SCN8A: variants seen among roughly 807,000 people sequenced by gnomAD.
SCN8A encodes the protein sodium voltage-gated channel alpha subunit 8.
SCN8A carries 30 observed loss-of-function variants against 184.1 expected under a neutral mutation model. The observed-to-expected ratio is 0.16, with a 90% CI of 0.12 to 0.22. The LOEUF (loss-of-function observed/expected upper bound fraction) is 0.22, where lower values mean the gene tolerates loss of function less well. Ranked by LOEUF, SCN8A falls within the 10% of genes least tolerant of loss-of-function variation. The pLI is 1.00. For synonymous variants in SCN8A, 852 were observed against 907.0 expected, an observed-to-expected ratio of 0.94 and a Z score of 1.09; for missense variants, 1,057 against 2,498.9, an observed-to-expected ratio of 0.42 and a Z score of 12.30.
intron 23 of SCN8A, 101 bp downstream of exon 23, chr12:51,788,849 G>A: frequency 1.1e-6 from 1 of 898,506 alleles, no homozygotes; most frequent in Non-Finnish European, 1.7e-6. Context: ...ATGAAGGAAT[G>A]GAGGAGTTGA....
intron 11 of SCN8A, chr12:51,713,733 G>T (rs1172259595): frequency 5.8e-6 from 2 of 341,996 alleles, no homozygotes; most frequent in Non-Finnish European, 1.0e-5. Context: ...TATTTTAATT[G>T]CTCTATTGCA....
At chr12:51,746,222 T>C (rs947189694) in intron 13 of SCN8A, among the ~76,000 whole-genome samples, 187 bp downstream of exon 13, 4 of 152,104 alleles carry the variant, frequency 2.6e-5, no homozygotes, top group Non-Finnish European at 5.9e-5. Flanking sequence ...GAGAATCAAA[T>C]ATATGGGCTT....
intron 1 of SCN8A, among the ~76,000 whole-genome samples, chr12:51,636,376 C>T (rs150064889): frequency 2.0e-5 from 3 of 152,278 alleles, no homozygotes; most frequent in Admixed American, 1.3e-4. Context: ...AGTAAGTCAG[C>T]CTGTTGGCCC....
Position 51,786,690 on chromosome 12 carries a change from G to A in SCN8A, c.4091G>A (p.Arg1364Gln). ...HYCFNETSEI[R>Q]FEIEDVNNKT... ...TGCTTTAATGAGACTTCTGAAATCC[G>A]ATTTGAAATTGAAGATGTCAACAAT... The change falls in exon 22 of 27, where the codon CGA becomes CAA. Residue 1364 changes from arginine to glutamine, a missense_variant. By Grantham distance (43) the Arg-to-Gln change is conservative (BLOSUM62 1). Transcript: ENST00000627620. 3 of 1,613,974 alleles carry A rather than the reference G, an allele frequency of 1.9e-6. No individual in the cohort carries two copies. The highest frequency in any genetic ancestry group is 2.5e-6 in the Non-Finnish European group (3 of 1,179,894).
At chr12:51,767,204 G>A (rs969188491) in intron 16 of SCN8A, among the ~76,000 whole-genome samples, 1 of 152,146 alleles carries the variant, frequency 6.6e-6, no homozygotes, top group African/African-American at 2.4e-5. Flanking sequence ...TTCCCGGTAT[G>A]TAGCATGATC....
intron 1 of SCN8A, among the ~76,000 whole-genome samples, chr12:51,659,399 A>T (rs939960991): frequency 2.0e-5 from 3 of 152,222 alleles, no homozygotes; most frequent in African/African-American, 7.2e-5. Flanking sequence ...AGGCACATAC[A>T]TATGTACAAA....
intron 25 of SCN8A, among the ~76,000 whole-genome samples, chr12:51,792,061 A>C (rs770835970): frequency 2.0e-4 from 30 of 152,116 alleles, no homozygotes; most frequent in Admixed American, 3.9e-4. Flanking sequence ...ATAATAAATA[A>C]GTAAGCAAAC....
At chr12:51,604,157 TG>T (rs1367081819) in intron 1 of SCN8A, among the ~76,000 whole-genome samples, 1 of 152,158 alleles carries the variant, frequency 6.6e-6, no homozygotes, top group Non-Finnish European at 1.5e-5. Flanking sequence ...AAGATGTTCT[TG>T]GTTTTCTGTT....
intron 14 of SCN8A, among the ~76,000 whole-genome samples, chr12:51,753,452 A>G (rs779241861): frequency 1.3e-5 from 2 of 152,234 alleles, no homozygotes; most frequent in Non-Finnish European, 2.9e-5. Flanking sequence ...TCTGTTTTGG[A>G]CATATTAAGT....
chr12:51,698,082 G>A (rs564197278), intron 6 of SCN8A, among the ~76,000 whole-genome samples: 3 of 152,288 alleles, frequency 2.0e-5, no homozygotes, highest in African/African-American at 7.2e-5. Context: ...TTGAACTCCC[G>A]ACCTCAGGTG....
intron 1 of SCN8A, among the ~76,000 whole-genome samples, chr12:51,630,925 C>A (rs1038873612): frequency 5.9e-5 from 9 of 152,194 alleles, no homozygotes. Context: ...TTCAGATTCT[C>A]TTTAATGGCT....
chr12:51,635,574 A>G (rs1416578022), intron 1 of SCN8A, among the ~76,000 whole-genome samples: 2 of 152,232 alleles, frequency 1.3e-5, no homozygotes, highest in Non-Finnish European at 2.9e-5. Flanking sequence ...TTTCACTCAT[A>G]GATACAAGAA....
In SCN8A at chr12:51,768,982, G is replaced by A; in HGVS notation, c.3019G>A (p.Gly1007Ser). Residue 1007 changes from glycine (G) to serine (S), a missense_variant, in exon 17 of 27, where the codon GGT (glycine) becomes AGT (serine). Coordinates refer to ENST00000627620, the MANE Select transcript of SCN8A (RefSeq NM_001330260.2). Reference sequence around the variant, plus strand: ...GATCTCAGTGATCCGTATCAAGAAGGGTGTGGCCTGGACCAAACTAAAGGT... The same window carrying A: ...GATCTCAGTGATCCGTATCAAGAAGAGTGTGGCCTGGACCAAACTAAAGGT... ...LQISVIRIKKGVAWTKLKVHA... is the reference protein window; with the variant it reads ...LQISVIRIKKSVAWTKLKVHA... 1.2e-6 allele frequency: 2 copies of A among 1,613,986 alleles called. No homozygotes were observed. Among genetic ancestry groups the A allele is most frequent in the Non-Finnish European group, 1.7e-6 (2 of 1,179,884 alleles).
chr12:51,765,599 T>G, intron 15 of SCN8A, 72 bp from the exon 16 acceptor site: 1 of 921,630 alleles, frequency 1.1e-6, no homozygotes, highest in Non-Finnish European at 1.6e-6. Context: ...TTTATGTTTT[T>G]ATTTTAGCCA....
intron 13 of SCN8A, among the ~76,000 whole-genome samples, chr12:51,750,983 C>T (rs1235360666): frequency 1.3e-5 from 2 of 152,154 alleles, no homozygotes; most frequent in African/African-American, 4.8e-5. Context: ...AAGTAAATGC[C>T]TTGTTTTACA....
At chr12:51,713,418 A>G (rs546823676) in intron 11 of SCN8A, 10 of 823,172 alleles carry the variant, frequency 1.2e-5, no homozygotes, top group Middle Eastern at 2.2e-4. Flanking sequence ...TTACCACACA[A>G]TCTGTGAGTG....
chr12:51,799,603 G>A (rs1047761457), intron 26 of SCN8A, among the ~76,000 whole-genome samples: 1 of 152,208 alleles, frequency 6.6e-6, no homozygotes, highest in Non-Finnish European at 1.5e-5. Context: ...GATCTGCTGG[G>A]TCATATAGCC....
intron 2 of SCN8A, among the ~76,000 whole-genome samples, chr12:51,683,360 C>T (rs1037082942): frequency 3.3e-5 from 5 of 152,098 alleles, no homozygotes; most frequent in Non-Finnish European, 7.4e-5. Context: ...GAACCTGTTC[C>T]GAGGACATGA....
intron 1 of SCN8A, among the ~76,000 whole-genome samples, chr12:51,609,546 G>C (rs1352530379): frequency 6.6e-6 from 1 of 152,060 alleles, no homozygotes; most frequent in African/African-American, 2.4e-5. Flanking sequence ...GTCCCTCTTT[G>C]TCTCTTTTAA....
Sources: gnomAD v4.1 joint callset for allele counts (sites outside exome capture counted in the v4.1 genomes callset) on GRCh38, gnomAD v4.1.1 for gene constraint, MANE v1.5 for transcripts, NCBI Gene and HGNC (gene_info 2026-07-23, HGNC 2026-07-21) for gene names.